FER: variants seen among roughly 807,000 people sequenced by gnomAD.
The protein encoded by FER is tyrosine-protein kinase Fer.
In FER, 63 loss-of-function variants were observed where a neutral mutation model predicts 111.0. That is an observed-to-expected ratio of 0.57 (90% CI 0.46 to 0.70). The LOEUF is 0.70. Ranked by LOEUF, FER falls within the 30% of genes least tolerant of loss-of-function variation. The pLI, the probability that FER is intolerant of heterozygous loss-of-function variation, is 0.00. For synonymous variants in FER, 327 were observed against 313.9 expected (o/e 1.04, Z -0.44); for missense variants, 914 against 954.0 (o/e 0.96, Z 0.55).
chr5:108,937,774 T>G (rs1755673241), intron 10 of FER, among the ~76,000 whole-genome samples: 1 of 151,850 alleles, frequency 6.6e-6, no homozygotes, highest in Admixed American at 6.6e-5. Context: ...AGTCTGTTGG[T>G]TTCCTAAGAC....
chr5:108,888,608 T>A (rs925188604), intron 9 of FER, among the ~76,000 whole-genome samples: 1 of 151,954 alleles, frequency 6.6e-6, no homozygotes, highest in African/African-American at 2.4e-5. Context: ...ATGCATCATG[T>A]ACTAAATAAT....
chr5:108,868,578 C>G (rs1241503154), intron 6 of FER, among the ~76,000 whole-genome samples: 1 of 151,962 alleles, frequency 6.6e-6, no homozygotes, highest in Non-Finnish European at 1.5e-5. Flanking sequence ...TGTTTTAGTG[C>G]CTTCCAAATG....
intron 13 of FER, among the ~76,000 whole-genome samples, chr5:109,022,610 A>G (rs552462466): frequency 6.6e-6 from 1 of 152,252 alleles, no homozygotes; most frequent in South Asian, 2.1e-4. Context: ...CACAAAGGCT[A>G]ATGACATAAT....
At chr5:108,996,529 AT>A (rs1196142681) in intron 13 of FER, among the ~76,000 whole-genome samples, 1 of 152,144 alleles carries the variant, frequency 6.6e-6, no homozygotes, top group African/African-American at 2.4e-5. Flanking sequence ...TCCTTTCCTC[AT>A]TTCTTGTTTT....
intron 17 of FER, among the ~76,000 whole-genome samples, chr5:109,161,700 A>T (rs1756005170): frequency 6.6e-6 from 1 of 152,110 alleles, no homozygotes; most frequent in Non-Finnish European, 1.5e-5. Flanking sequence ...GGCAGTGAAT[A>T]TACGCGTATA....
At chr5:109,108,334 A>G (rs549256183) in intron 17 of FER, among the ~76,000 whole-genome samples, 6 of 152,298 alleles carry the variant, frequency 3.9e-5, no homozygotes, top group African/African-American at 1.4e-4. Context: ...GAATTAAACT[A>G]TGTATTAGAT....
chr5:108,809,591 C>CT (rs1757539715), intron 3 of FER, among the ~76,000 whole-genome samples: 1 of 152,070 alleles, frequency 6.6e-6, no homozygotes, highest in Non-Finnish European at 1.5e-5. Flanking sequence ...TAGACAGGTT[C>CT]TTGCTCTGTT....
intron 17 of FER, among the ~76,000 whole-genome samples, chr5:109,117,229 T>A (rs767065799): frequency 4.6e-5 from 7 of 152,190 alleles, no homozygotes; most frequent in African/African-American, 7.2e-5. Context: ...ATTAAATGTT[T>A]AGTCTACTTA....
intron 3 of FER, among the ~76,000 whole-genome samples, chr5:108,809,442 A>T (rs753334328): frequency 6.6e-6 from 1 of 152,174 alleles, no homozygotes; most frequent in Non-Finnish European, 1.5e-5. Context: ...TCTCTTTAAG[A>T]TGCTGATGTA....
chr5:108,762,325 G>C (rs988301139), intron 1 of FER, among the ~76,000 whole-genome samples: 1 of 152,064 alleles, frequency 6.6e-6, no homozygotes, highest in Non-Finnish European at 1.5e-5. Context: ...TTTTCCTTTA[G>C]TTCTTCAACT....
At chr5:109,029,143 T>G (rs910762301) in intron 13 of FER, among the ~76,000 whole-genome samples, 2 of 151,960 alleles carry the variant, frequency 1.3e-5, no homozygotes, top group Non-Finnish European at 2.9e-5. Flanking sequence ...TTTGTTAAAC[T>G]TTCCTCACAG....
intron 4 of FER, among the ~76,000 whole-genome samples, chr5:108,833,600 T>G (rs910755390): frequency 6.6e-6 from 1 of 152,062 alleles, no homozygotes; most frequent in African/African-American, 2.4e-5. Context: ...ACAGGCCAGA[T>G]GCGGTACCTC....
At chr5:109,038,791 A>T (rs72790572) in intron 14 of FER, among the ~76,000 whole-genome samples, 28,312 of 151,958 alleles carry the variant, frequency 0.19, 2,805 homozygotes, top group Non-Finnish European at 0.22. Context: ...GCATTTACTG[A>T]AATAAAGGCA....
rs1764657892 is a variant in FER, at chr5:108,872,130, A to T, written c.841A>T (p.Thr281Ser). The change falls in exon 8 of 20, where the codon ACT becomes TCT. Residue 281 changes from threonine (T) to serine (S), a missense_variant. Coordinates refer to ENST00000281092, the MANE Select transcript of FER (RefSeq NM_005246.4). ...TAAAGAACAAGAAATAGAGTTTGAT[A>T]CTTCCTTACTGGAAGAAAATGAAAA... ...AAKEQEIEFD[T>S]SLLEENENLQ... 1 of 1,611,312 alleles carries T rather than the reference A, an allele frequency of 6.2e-7. No individual in the cohort carries two copies. Among genetic ancestry groups the T allele is most frequent in the Admixed American group, 1.7e-5 (1 of 59,564 alleles).
chr5:109,144,382 C>T (rs1753842642), intron 17 of FER, among the ~76,000 whole-genome samples: 1 of 152,090 alleles, frequency 6.6e-6, no homozygotes, highest in Non-Finnish European at 1.5e-5. Context: ...CCTTGGAGTT[C>T]TGGCTTCCTT....
intron 13 of FER, among the ~76,000 whole-genome samples, chr5:109,024,814 A>T (rs1768448640): frequency 6.6e-6 from 1 of 152,026 alleles, no homozygotes; most frequent in Admixed American, 6.6e-5. Flanking sequence ...TAAGGAAGGG[A>T]TCCAGTTTCA....
intron 16 of FER, among the ~76,000 whole-genome samples, chr5:109,067,629 G>C (rs1191624536): frequency 6.6e-6 from 1 of 151,810 alleles, no homozygotes; most frequent in African/African-American, 2.4e-5. Flanking sequence ...GTTCCTCCTT[G>C]ATAATTAGTT....
At chr5:109,042,393 G>A (rs1561815407) in intron 14 of FER, among the ~76,000 whole-genome samples, 1 of 152,020 alleles carries the variant, frequency 6.6e-6, no homozygotes, top group Admixed American at 6.6e-5. Context: ...TAAAGCAAAG[G>A]TTTGCGTTGA....
intron 16 of FER, among the ~76,000 whole-genome samples, chr5:109,077,693 T>C (rs181045880): frequency 1.9e-3 from 287 of 152,282 alleles, no homozygotes; most frequent in African/African-American, 6.4e-3. Context: ...ACTTTCCTTT[T>C]TCCATAGCTG....
Sources: allele counts gnomAD v4.1 joint callset (sites outside exome capture counted in the v4.1 genomes callset), GRCh38; gene constraint gnomAD v4.1.1; transcripts MANE v1.5; gene names NCBI Gene and HGNC (gene_info 2026-07-23, HGNC 2026-07-21).